KAZN: variants seen among roughly 807,000 people sequenced by gnomAD.
KAZN encodes kazrin.
KAZN carries 40 observed loss-of-function variants against 87.4 expected under a neutral mutation model. That is an observed-to-expected ratio of 0.46 (90% CI 0.36 to 0.60). The LOEUF is 0.60. Among genes scored for constraint, KAZN ranks in the 20% least tolerant of loss-of-function variants. KAZN has a pLI of 0.00. For synonymous variants in KAZN, 466 were observed against 458.3 expected (o/e 1.02, Z -0.22); for missense variants, 898 against 1,073.9 (o/e 0.84, Z 2.29).
At position 14,389,782 on chromosome 1, in the gene KAZN, G is replaced by T. The variant is rs75158835; in HGVS notation, c.249+209190G>T. On this transcript the variant is annotated intron_variant, in intron 2 of 16. Transcript: ENST00000636203. Reference sequence around the variant, plus strand: ...TACAAAAAGAATAGCTAGAAAGGGTGAGTAAGATCTAGCACAACAGGGTGA... The same window carrying T: ...TACAAAAAGAATAGCTAGAAAGGGTTAGTAAGATCTAGCACAACAGGGTGA... 8.4e-3 allele frequency among the ~76,000 whole-genome samples: 1,280 copies of T among 152,192 alleles called. 9 individuals carry two copies. The highest frequency in any genetic ancestry group is 0.045 in the East Asian group (232 of 5,176).
chr1:14,413,323 G>A (rs1329757399), intron 2 of KAZN, among the ~76,000 whole-genome samples: 3 of 152,004 alleles, frequency 2.0e-5, no homozygotes, highest in Non-Finnish European at 4.4e-5. Context: ...AGGCACTGTG[G>A]CTCACGCCTG....
chr1:15,103,165 G>A (rs1394628607), intron 11 of KAZN, among the ~76,000 whole-genome samples, 194 bp from the exon 12 acceptor site: 2 of 152,228 alleles, frequency 1.3e-5, no homozygotes, highest in Non-Finnish European at 2.9e-5. Flanking sequence ...TGCTCGGGAA[G>A]CTGAGGCAGG....
chr1:14,979,801 T>G (rs910310222), intron 2 of KAZN, among the ~76,000 whole-genome samples: 1 of 152,204 alleles, frequency 6.6e-6, no homozygotes, highest in African/African-American at 2.4e-5. Context: ...ATTACGGGAT[T>G]ATAATAGTAC....
At chr1:14,354,715 G>A (rs924115080) in intron 2 of KAZN, among the ~76,000 whole-genome samples, 1 of 149,360 alleles carries the variant, frequency 6.7e-6, no homozygotes, top group Non-Finnish European at 1.5e-5. Context: ...CCAAATGTTG[G>A]CAAGGACCTG....
chr1:14,050,747 C>T (rs1159403731), intron 1 of KAZN, among the ~76,000 whole-genome samples: 3 of 152,184 alleles, frequency 2.0e-5, no homozygotes, highest in African/African-American at 7.2e-5. Flanking sequence ...ATTGAGCTCT[C>T]AGCCAGCCTT....
intron 1 of KAZN, among the ~76,000 whole-genome samples, chr1:13,993,371 A>G (rs1054475862): frequency 1.3e-5 from 2 of 152,236 alleles, no homozygotes; most frequent in Non-Finnish European, 2.9e-5. Flanking sequence ...GTAAGAATGG[A>G]AGGGAAAGAG....
At chr1:14,939,237 G>A (rs980939961) in intron 1 of KAZN, among the ~76,000 whole-genome samples, 2 of 152,106 alleles carry the variant, frequency 1.3e-5, no homozygotes, top group African/African-American at 4.8e-5. Flanking sequence ...CTCCCAAAGT[G>A]CTGGGATTAC....
At chr1:14,926,763 C>T (rs997964186) in intron 1 of KAZN, among the ~76,000 whole-genome samples, 4 of 152,174 alleles carry the variant, frequency 2.6e-5, no homozygotes, top group African/African-American at 9.6e-5. Context: ...AACATTTCAG[C>T]CAGGCTGTGC....
intron 1 of KAZN, among the ~76,000 whole-genome samples, chr1:14,718,618 A>G (rs777205946): frequency 6.6e-6 from 1 of 152,150 alleles, no homozygotes; most frequent in Non-Finnish European, 1.5e-5. Context: ...TGACTGTTAA[A>G]TATTTGTCTC....
intron 2 of KAZN, among the ~76,000 whole-genome samples, chr1:14,524,140 G>A (rs1300677075): frequency 6.6e-6 from 1 of 152,088 alleles, no homozygotes; most frequent in Non-Finnish European, 1.5e-5. Context: ...TCCTGCTTCA[G>A]CCTCCCGAGT....
In KAZN at chr1:14,030,635, TACACACACACACACACACAC is replaced by T. The variant is rs60838104; in HGVS notation, c.91+136902_91+136921del. Reference sequence around the variant, plus strand: ...AGAAAAAATTGGCAATGTACACAGATACACACACACACACACACACACACACACACACACACACACACCAA... The same window carrying T: ...AGAAAAAATTGGCAATGTACACAGATACACACACACACACACACACACCAA... On this transcript the variant is annotated intron_variant, in intron 1 of 16. Coordinates refer to the KAZN transcript ENST00000636203. 4.7e-3 allele frequency among the ~76,000 whole-genome samples: 689 copies of T among 145,116 alleles called. 5 individuals carry two copies. The highest frequency in any genetic ancestry group is 0.017 in the African/African-American group (649 of 38,878).
At chr1:14,001,832 C>CAAAA (rs1639805945) in intron 1 of KAZN, among the ~76,000 whole-genome samples, 1 of 152,130 alleles carries the variant, frequency 6.6e-6, no homozygotes, top group African/African-American at 2.4e-5. Flanking sequence ...CTTCCTTATA[C>CAAAA]CTTATACAAA....
chr1:14,207,642 T>C (rs1284609581), intron 2 of KAZN, among the ~76,000 whole-genome samples: 3 of 152,222 alleles, frequency 2.0e-5, no homozygotes, highest in African/African-American at 7.2e-5. Flanking sequence ...CCGAGTTTTT[T>C]GGCACCCCTT....
chr1:14,276,152 G>A (rs902777242), intron 2 of KAZN, among the ~76,000 whole-genome samples: 3 of 137,970 alleles, frequency 2.2e-5, no homozygotes, highest in Non-Finnish European at 3.1e-5. Flanking sequence ...CATAGTGTTC[G>A]CTATAAGGGT....
chr1:14,662,480 G>T (rs1030702139), intron 1 of KAZN, among the ~76,000 whole-genome samples: 1 of 152,130 alleles, frequency 6.6e-6, no homozygotes, highest in Non-Finnish European at 1.5e-5. Context: ...GGCTGTGGGA[G>T]GACGAAGTTC....
At chr1:14,421,267 C>G (rs575285299) in intron 2 of KAZN, among the ~76,000 whole-genome samples, 1 of 152,270 alleles carries the variant, frequency 6.6e-6, no homozygotes, top group African/African-American at 2.4e-5. Context: ...GGGAATGGTT[C>G]TTGAATAGTA....
chr1:14,299,319 A>G (rs1028331273), intron 2 of KAZN, among the ~76,000 whole-genome samples: 12 of 152,140 alleles, frequency 7.9e-5, no homozygotes, highest in African/African-American at 2.9e-4. Flanking sequence ...CTTGGCCAAC[A>G]TACTGAAACC....
chr1:13,989,497 A>G lies in KAZN; in HGVS notation c.91+95741A>G, dbSNP rs955424931. Among the ~76,000 whole-genome samples, 7 of 152,226 alleles carry G rather than the reference A, an allele frequency of 4.6e-5. No individual in the cohort carries two copies. The East Asian group carries it at 5.8e-4, about 13-fold the overall frequency. ...TGGTGACCAAGTAGAGACCTCAGGC[A>G]TCTGCCTACATAGACATAGGCCAAT... On this transcript the variant is annotated intron_variant, in intron 1 of 16. Transcript: ENST00000636203.
intron 11 of KAZN, 123 bp from the exon 12 acceptor site, chr1:15,103,236 A>G: frequency 2.9e-6 from 2 of 701,400 alleles, no homozygotes; most frequent in Non-Finnish European, 4.9e-6. Flanking sequence ...CACTGCACTC[A>G]TGCCTGGGCA....
Sources: gnomAD v4.1 joint callset for allele counts (sites outside exome capture counted in the v4.1 genomes callset) on GRCh38, gnomAD v4.1.1 for gene constraint, MANE v1.5 for transcripts, NCBI Gene and HGNC (gene_info 2026-07-23, HGNC 2026-07-21) for gene names.